AP2A1: variants seen among roughly 807,000 people sequenced by gnomAD.
AP2A1 encodes AP-2 complex subunit alpha-1.
Under a neutral mutation model 107.3 loss-of-function variants are expected in AP2A1, and 21 were observed. The ratio of observed to expected loss-of-function variants is 0.20; its 90% CI spans 0.14 to 0.28. AP2A1 has a LOEUF of 0.28. Among genes scored for constraint, AP2A1 ranks in the 10% least tolerant of loss-of-function variants. AP2A1 has a pLI of 1.00. For missense variants in AP2A1, 873 were observed against 1,307.7 expected, an observed-to-expected ratio of 0.67 and a Z score of 5.13; for synonymous variants, 602 against 564.8, an observed-to-expected ratio of 1.07 and a Z score of -0.93.
At chr19:49,802,795 T>C (rs1034422216) in intron 15 of AP2A1, 154 bp from the exon 16 acceptor site, 13 of 1,050,966 alleles carry the variant, frequency 1.2e-5, no homozygotes, top group Admixed American at 8.9e-5. Flanking sequence ...AGGCCACTGC[T>C]GGATGGATGC....
In AP2A1 at chr19:49,782,105, G is replaced by A. The variant is rs547780037; in HGVS notation, c.279+16G>A. 5.7e-5 allele frequency: 88 copies of A among 1,549,034 alleles called. No homozygotes were observed. In the South Asian group the frequency reaches 9.9e-4, roughly 17 times the overall value. On this transcript the variant is annotated intron_variant, in intron 3 of 22. Transcript: ENST00000354293. Reference sequence around the variant, plus strand: ...GAAGCAAATAGTGAGTCTGGAGAGGGGGGTGCCAGGGCCTGGACTCCTGGG... The same window carrying A: ...GAAGCAAATAGTGAGTCTGGAGAGGAGGGTGCCAGGGCCTGGACTCCTGGG...
At chr19:49,805,835 C>T (rs757744457) in intron 20 of AP2A1, 37 bp from the exon 21 acceptor site, 8 of 1,612,982 alleles carry the variant, frequency 5.0e-6, no homozygotes, top group South Asian at 4.4e-5. Flanking sequence ...CGGGTCGGGC[C>T]GTCCAGGTCC....
chr19:49,805,994 C>G, intron 21 of AP2A1, 53 bp downstream of exon 21: 1 of 1,612,930 alleles, frequency 6.2e-7, no homozygotes, highest in South Asian at 1.1e-5. Context: ...CTTCTCTGAG[C>G]CTCTGTTTTC....
rs149238034 is a variant in AP2A1 at position 49,803,479 on chromosome 19, T to C, written c.2344+103T>C. 1.1e-3 allele frequency: 964 copies of C among 906,438 alleles called. 4 individuals carry two copies. The African/African-American group carries it at 0.013, about 13-fold the overall frequency. 56.1% of individuals were successfully genotyped at this position (906,438 alleles called of 1,614,324 possible). ...GTCCACACTTCTCTTCAGCCTCTCT[T>C]GGGCACGCAATTAGTTCTCTGAGAT... On this transcript the variant is annotated intron_variant, in intron 18 of 22. Coordinates refer to ENST00000354293, the MANE Select transcript of AP2A1 (RefSeq NM_130787.3).
chr19:49,796,644 T>C (rs79716223), intron 7 of AP2A1: 2,417 of 152,372 alleles, frequency 0.016, 28 homozygotes, highest in South Asian at 0.043. Context: ...TGTGCATGCA[T>C]GTCTGCGTGC....
intron 3 of AP2A1, 69 bp from the exon 4 acceptor site, chr19:49,782,462 G>A: frequency 6.6e-7 from 1 of 1,513,216 alleles, no homozygotes; most frequent in Non-Finnish European, 9.0e-7. Flanking sequence ...GGACTCCTGG[G>A]TCTGAGGGTT....
intron 15 of AP2A1, chr19:49,802,583 C>G: frequency 6.2e-7 from 1 of 1,601,638 alleles, no homozygotes; most frequent in South Asian, 1.1e-5. Context: ...GCTGGCTGAC[C>G]CAGCTCCAGC....
At position 49,769,741 on chromosome 19, in the gene AP2A1, C is replaced by T. The variant is rs117889569; in HGVS notation, c.67+2541C>T. ...CGATTGATGTTTTAAGATAATTCCT[C>T]TGGCTGCTGTGAGAACAGATTCTAG... is the stretch of plus-strand genomic sequence containing the variant. On this transcript the variant is annotated intron_variant, in intron 1 of 22. Transcript: ENST00000354293. Among the ~76,000 whole-genome samples the T allele has an allele frequency of 5.0e-3, 763 of 152,292 alleles. 3 individuals are homozygous for T. Among genetic ancestry groups the T allele is most frequent in the Non-Finnish European group, 7.6e-3 (514 of 68,038 alleles).
chr19:49,786,709 C>A (rs1034636039), intron 4 of AP2A1, among the ~76,000 whole-genome samples: 21 of 152,180 alleles, frequency 1.4e-4, no homozygotes, highest in African/African-American at 4.8e-4. Context: ...ATGCTGCCAG[C>A]AGTTTCTTTA....
At chr19:49,802,268 C>T (rs1293661201) in intron 15 of AP2A1, 127 bp downstream of exon 15, 3 of 882,502 alleles carry the variant, frequency 3.4e-6, no homozygotes, top group African/African-American at 1.7e-5. Context: ...ATCCTGATGC[C>T]TTCGCCAGCC....
At chr19:49,770,954 C>T (rs1385590658) in intron 1 of AP2A1, among the ~76,000 whole-genome samples, 2 of 152,040 alleles carry the variant, frequency 1.3e-5, no homozygotes, top group South Asian at 2.1e-4. Context: ...CAAGTTCAGG[C>T]GATTCTCCTG....
At chr19:49,787,797 C>G (rs1198888226) in intron 4 of AP2A1, among the ~76,000 whole-genome samples, 1 of 152,176 alleles carries the variant, frequency 6.6e-6, no homozygotes, top group Non-Finnish European at 1.5e-5. Flanking sequence ...CCCTCTTCCC[C>G]CCAGCCCCTG....
rs1296396204 is a variant in AP2A1 at position 49,805,518 on chromosome 19, C to T, written c.2410C>T (p.Leu804Phe). The change falls in exon 19 of 23, where the codon CTC (leucine) becomes TTC (phenylalanine). Residue 804 changes from leucine (L) to phenylalanine (F), a missense_variant. By Grantham distance (22) the Leu-to-Phe change is conservative (BLOSUM62 0). This residue lies in a region of AP2A1 where 416 missense variants were observed against 473.4 expected (regional missense o/e 0.88). Transcript: ENST00000354293. ...VDGGAQVQQVLNIECLRDFLT... is the reference protein window; with the variant it reads ...VDGGAQVQQVFNIECLRDFLT... Reference sequence around the variant, plus strand: ...CGGCGGCGCGCAGGTGCAGCAGGTGCTCAATATCGAGTGCCTGCGGGACTT... The same window carrying T: ...CGGCGGCGCGCAGGTGCAGCAGGTGTTCAATATCGAGTGCCTGCGGGACTT... 1 of 1,569,588 alleles carries T rather than the reference C, an allele frequency of 6.4e-7. No individual in the cohort carries two copies. The highest frequency in any genetic ancestry group is 1.2e-5 in the South Asian group (1 of 85,544).
chr19:49,795,586 C>A, intron 6 of AP2A1, 44 bp from the exon 7 acceptor site: 1 of 727,792 alleles, frequency 1.4e-6, no homozygotes, highest in South Asian at 1.5e-5. Context: ...CCACGTGCCC[C>A]TCCCACCCCA....
At chr19:49,790,327 C>T (rs533412385) in intron 4 of AP2A1, among the ~76,000 whole-genome samples, 1 of 152,314 alleles carries the variant, frequency 6.6e-6, no homozygotes, top group South Asian at 2.1e-4. Context: ...CTGTATCTTT[C>T]CCTTATAAGG....
At chr19:49,769,952 T>C (rs2084540703) in intron 1 of AP2A1, among the ~76,000 whole-genome samples, 1 of 152,082 alleles carries the variant, frequency 6.6e-6, no homozygotes, top group African/African-American at 2.4e-5. Context: ...CACTGCAACC[T>C]CCGCCTCCCA....
chr19:49,786,483 T>C (rs1159077055), intron 4 of AP2A1, among the ~76,000 whole-genome samples: 2 of 152,220 alleles, frequency 1.3e-5, no homozygotes, highest in Non-Finnish European at 2.9e-5. Flanking sequence ...TGGGGATTGA[T>C]GGCAGTTAAG....
rs765689281 is a variant in AP2A1, at chr19:49,806,099, G to A, written c.2656-20G>A. On this transcript the variant is annotated intron_variant, in intron 21 of 22. Coordinates refer to ENST00000354293, the MANE Select transcript of AP2A1 (RefSeq NM_130787.3). ...ACTAACAGCTCTGGCACACTCTGAC[G>A]GCGCCCCCCCTCCTCCCAGCTTCTG... 6.4e-7 allele frequency: 1 copy of A among 1,571,168 alleles called. No homozygotes were observed. Among genetic ancestry groups the A allele is most frequent in the Non-Finnish European group, 8.6e-7 (1 of 1,157,372 alleles).
rs1333850308 is a variant in AP2A1, at chr19:49,767,020, G to C, written c.-114G>C. 2 of 868,182 alleles carry C rather than the reference G, an allele frequency of 2.3e-6. No homozygotes were observed. The highest frequency in any genetic ancestry group is 1.5e-6 in the Non-Finnish European group (1 of 652,846). The allele number at this position is 868,182 out of a possible 1,614,324, so 53.8% of individuals were successfully genotyped here. A position where few individuals can be genotyped will look rare whatever the true frequency, so the allele number is the denominator to read the frequency against. Reference sequence around the variant, plus strand: ...CCGCCCGCCAGCCAGCCCTCCCCGCGGCCGGCTCGGCTCCTTGGCGCTGCC... The same window carrying C: ...CCGCCCGCCAGCCAGCCCTCCCCGCCGCCGGCTCGGCTCCTTGGCGCTGCC... On this transcript the variant is annotated 5_prime_UTR_variant, in exon 1 of 23. Coordinates refer to ENST00000354293, the MANE Select transcript of AP2A1 (RefSeq NM_130787.3).
Sources: gnomAD v4.1 joint callset for allele counts (sites outside exome capture counted in the v4.1 genomes callset) on GRCh38, gnomAD v4.1.1 for gene constraint, gnomAD v4.1.1 regional missense constraint, MANE v1.5 for transcripts, NCBI Gene and HGNC (gene_info 2026-07-23, HGNC 2026-07-21) for gene names.